Variants in PALLD observed in about 807,000 individuals in gnomAD.
PALLD encodes the protein palladin.
PALLD carries 61 observed loss-of-function variants against 123.5 expected under a neutral mutation model. That is an observed-to-expected ratio of 0.49 (90% CI 0.40 to 0.61). The LOEUF (loss-of-function observed/expected upper bound fraction) is 0.61, where lower values mean the gene tolerates loss of function less well. PALLD is among the 20% of genes least tolerant of loss of function. The pLI is 0.00. For synonymous variants in PALLD, 465 were observed against 496.4 expected, an observed-to-expected ratio of 0.94 and a Z score of 0.84; for missense variants, 1,273 against 1,377.0, an observed-to-expected ratio of 0.92 and a Z score of 1.20.
intron 2 of PALLD, among the ~76,000 whole-genome samples, chr4:168,533,239 A>G (rs1764765878): frequency 6.6e-6 from 1 of 152,172 alleles, no homozygotes; most frequent in African/African-American, 2.4e-5. Flanking sequence ...TTTTAAAAAT[A>G]TCTTTCCCTT....
At position 168,653,688 on chromosome 4, in the gene PALLD, G is replaced by A. The variant is rs149484513; in HGVS notation, c.909-14502G>A. On this transcript the variant is annotated intron_variant, in intron 2 of 21. Coordinates refer to ENST00000505667, the MANE Select transcript of PALLD (RefSeq NM_001166108.2). ...ACAGCAAACACGTATAGTCATTATC[G>A]TTTGCTTGTTTGTTTGTTTGTTTCT... 9.5e-4 allele frequency among the ~76,000 whole-genome samples: 144 copies of A among 151,972 alleles called. 1 individual carries two copies. Among genetic ancestry groups the A allele is most frequent in the African/African-American group, 3.0e-3 (126 of 41,450 alleles).
At chr4:168,731,393 C>T (rs536701825) in intron 10 of PALLD, among the ~76,000 whole-genome samples, 1 of 152,184 alleles carries the variant, frequency 6.6e-6, no homozygotes, top group South Asian at 2.1e-4. Flanking sequence ...CTCCCCTATT[C>T]CCAAGCTAGA....
rs1233315237 is a variant in PALLD at position 168,711,849 on chromosome 4, T to C, written c.1890T>C (p.Asn630=). The change falls in exon 10 of 22, where the codon AAT becomes AAC. Residue 630 remains asparagine (N), a synonymous_variant. Transcript: ENST00000505667. ...TGATTAACGGCAAAGCTAACAGTAATAAATCTCTTCCAACACCAGCTGTCC... is the reference window on the plus strand; with the variant it reads ...TGATTAACGGCAAAGCTAACAGTAACAAATCTCTTCCAACACCAGCTGTCC... The part of the protein sequence containing the change: ...NGLINGKANS[N]KSLPTPAVLL... 1 of 1,614,134 alleles carries C rather than the reference T, an allele frequency of 6.2e-7. No individual in the cohort carries two copies. Among genetic ancestry groups the C allele is most frequent in the Admixed American group, 1.7e-5 (1 of 60,002 alleles).
intron 11 of PALLD, among the ~76,000 whole-genome samples, chr4:168,892,797 A>G (rs1450838645): frequency 6.6e-6 from 1 of 151,660 alleles, no homozygotes; most frequent in Non-Finnish European, 1.5e-5. Flanking sequence ...TTAAGGTAAG[A>G]CTTCCTTAAG....
chr4:168,895,264 C>G (rs1451761538), intron 12 of PALLD, among the ~76,000 whole-genome samples: 2 of 152,138 alleles, frequency 1.3e-5, no homozygotes, highest in Non-Finnish European at 2.9e-5. Context: ...CACCTGTAGT[C>G]CCAGCTACTC....
rs945064725 is a variant in PALLD, at chr4:168,507,337, C to A, written c.-82-4086C>A. ...ATCATCTATCTTATGGACCCTGGACCCACTGCTTCCCTGAATCACCAGCTC... is the reference window on the plus strand; with the variant it reads ...ATCATCTATCTTATGGACCCTGGACACACTGCTTCCCTGAATCACCAGCTC... On this transcript the variant is annotated intron_variant, in intron 1 of 21. Coordinates refer to ENST00000505667, the MANE Select transcript of PALLD (RefSeq NM_001166108.2). 11 of 178,872 alleles carry A rather than the reference C, an allele frequency of 6.1e-5. No individual in the cohort carries two copies. The Admixed American group carries it at 6.9e-4, about 11-fold the overall frequency. 11.1% of individuals were successfully genotyped at this position (178,872 alleles called of 1,614,324 possible). A position where few individuals can be genotyped will look rare whatever the true frequency, so the allele number is the denominator to read the frequency against.
At chr4:168,882,281 G>A (rs188502602) in intron 10 of PALLD, among the ~76,000 whole-genome samples, 2 of 152,308 alleles carry the variant, frequency 1.3e-5, no homozygotes, top group Non-Finnish European at 1.5e-5. Flanking sequence ...AAGAGGTGAC[G>A]GGATTTCCCA....
At chr4:168,828,773 G>A (rs1367973501) in intron 10 of PALLD, 1 of 152,254 alleles carries the variant, frequency 6.6e-6, no homozygotes, top group Non-Finnish European at 1.5e-5. Context: ...AGGCCTCTGA[G>A]CCAAAGCCTG....
At chr4:168,761,444 A>G (rs1385279334) in intron 10 of PALLD, among the ~76,000 whole-genome samples, 4 of 151,940 alleles carry the variant, frequency 2.6e-5, no homozygotes, top group Admixed American at 2.6e-4. Flanking sequence ...TTTCTTTGTA[A>G]GGTAGCTAGA....
In PALLD at chr4:168,681,329, C is replaced by T. The variant is rs1312150049; in HGVS notation, c.1088-3C>T. The stretch of plus-strand genomic sequence containing the variant: ...TTTACCATTATCTTTAATACTTTCC[C>T]AGGTGCCAGTTCAACAGATTCTGAC... On this transcript the variant is annotated splice_polypyrimidine_tract_variant and splice_region_variant and intron_variant, in intron 3 of 21. Transcript: ENST00000505667. 4.4e-6 allele frequency: 7 copies of T among 1,582,646 alleles called. No individual in the cohort carries two copies. In the East Asian group the frequency reaches 1.6e-4, roughly 35 times the overall value.
Position 168,918,325 on chromosome 4 carries a change from G to GATAGATAT in PALLD, c.2850+2301_2850+2302insGATATATA, listed in dbSNP as rs1553981957. ...AGATGAATGAATAAAGAAAATATGA[G>GATAGATAT]ATATATATATATATACATACATACA... On this transcript the variant is annotated intron_variant, in intron 17 of 21. Transcript: ENST00000505667. Among the ~76,000 whole-genome samples, 4 of 149,558 alleles carry GATAGATAT rather than the reference G, an allele frequency of 2.7e-5. No homozygotes were observed. The East Asian group carries it at 5.9e-4, about 22-fold the overall frequency.
Position 168,741,411 on chromosome 4 carries a change from C to T in PALLD, c.1964+29488C>T, listed in dbSNP as rs540345496. 3.3e-5 allele frequency among the ~76,000 whole-genome samples: 5 copies of T among 152,148 alleles called. No individual in the cohort carries two copies. The East Asian group carries it at 9.7e-4, about 29-fold the overall frequency. On this transcript the variant is annotated intron_variant, in intron 10 of 21. Transcript: ENST00000505667. ...GTTGTCAAGGCTGGGCGTGGTGGCT[C>T]ACGCCTATAATCCCAGCACTTTTGG... is the stretch of plus-strand genomic sequence containing the variant.
intron 2 of PALLD, among the ~76,000 whole-genome samples, chr4:168,533,793 C>T (rs1409100122): frequency 6.6e-6 from 1 of 152,070 alleles, no homozygotes; most frequent in Non-Finnish European, 1.5e-5. Flanking sequence ...GAAGCCAGTG[C>T]TGCGGGAGAA....
chr4:168,500,361 A>T (rs1047773460), intron 1 of PALLD, among the ~76,000 whole-genome samples: 1 of 144,974 alleles, frequency 6.9e-6, no homozygotes, highest in African/African-American at 2.6e-5. Flanking sequence ...TGGTCCCATA[A>T]GTCTTGTTTG....
chr4:168,824,600 TCTTA>T lies in PALLD; in HGVS notation c.1965-66318_1965-66315del, dbSNP rs571975982. 5.7e-4 allele frequency among the ~76,000 whole-genome samples: 86 copies of T among 152,180 alleles called. 1 individual carries two copies. Among genetic ancestry groups the T allele is most frequent in the Admixed American group, 2.2e-3 (33 of 15,266 alleles). On this transcript the variant is annotated intron_variant, in intron 10 of 21. Coordinates refer to ENST00000505667, the MANE Select transcript of PALLD (RefSeq NM_001166108.2). ...TCATATACTAATACAAGAATAATGATCTTACTTCTTTGGAGCAATGGAATTATTT... is the reference window on the plus strand; with the variant it reads ...TCATATACTAATACAAGAATAATGATCTTCTTTGGAGCAATGGAATTATTT...
chr4:168,842,631 C>T (rs1264351862), intron 10 of PALLD, among the ~76,000 whole-genome samples: 1 of 152,222 alleles, frequency 6.6e-6, no homozygotes, highest in Non-Finnish European at 1.5e-5. Flanking sequence ...ACCTACATTG[C>T]CTTGAGTCTT....
At chr4:168,604,826 A>G (rs1292879107) in intron 2 of PALLD, among the ~76,000 whole-genome samples, 1 of 152,186 alleles carries the variant, frequency 6.6e-6, no homozygotes, top group Non-Finnish European at 1.5e-5. Flanking sequence ...AGTCCTATTC[A>G]GTGTGTTAAA....
At chr4:168,555,020 TG>T (rs1767130818) in intron 2 of PALLD, among the ~76,000 whole-genome samples, 1 of 152,240 alleles carries the variant, frequency 6.6e-6, no homozygotes, top group East Asian at 1.9e-4. Context: ...TTTCTATTTT[TG>T]TATTTTTATT....
intron 10 of PALLD, among the ~76,000 whole-genome samples, chr4:168,816,008 G>T (rs145118176): frequency 1.3e-5 from 2 of 152,308 alleles, no homozygotes; most frequent in African/African-American, 4.8e-5. Context: ...ATTGTTTCAG[G>T]TTTCCCTTTG....
Sources: allele counts gnomAD v4.1 joint callset (sites outside exome capture counted in the v4.1 genomes callset), GRCh38; gene constraint gnomAD v4.1.1; transcripts MANE v1.5; gene names NCBI Gene and HGNC (gene_info 2026-07-23, HGNC 2026-07-21).